The following RASSF1 variants were observed in gnomAD, a reference collection of about 807,000 sequenced individuals.
RASSF1 encodes the protein ras association domain-containing protein 1.
In RASSF1, 33 loss-of-function variants were observed where a neutral mutation model predicts 34.3. The ratio of observed to expected loss-of-function variants is 0.96; its 90% CI spans 0.73 to 1.29. The LOEUF (loss-of-function observed/expected upper bound fraction) is 1.29. RASSF1 is among the 50% of genes most tolerant of loss of function. The probability of loss-of-function intolerance (pLI) is 0.00; values close to 1 mark genes in which losing one functional copy is unlikely to be tolerated. For missense variants in RASSF1, 445 were observed against 471.8 expected (o/e 0.94, Z 0.53); for synonymous variants, 191 against 195.0 (o/e 0.98, Z 0.17).
intron 2 of RASSF1, chr3:50,336,848 G>A: frequency 2.9e-6 from 1 of 344,392 alleles, no homozygotes; most frequent in Non-Finnish European, 5.3e-6. Context: ...CGCGGAAATC[G>A]AGGTGCTAGT....
rs1703227323 is a variant in RASSF1, at chr3:50,338,016, A to G, written c.251-5T>C. The G allele has an allele frequency of 6.3e-7, 1 of 1,578,978 alleles. No individual in the cohort carries two copies. Among genetic ancestry groups the G allele is most frequent in the Non-Finnish European group, 8.6e-7 (1 of 1,162,426 alleles). ...AGTGGCAGGTGAACTTGCAATCTGC[A>G]GAGAGGCCTGGCGGTGAGGCGGAGG... On this transcript the variant is annotated splice_polypyrimidine_tract_variant and splice_region_variant and intron_variant, in intron 1 of 5. Transcript: ENST00000359365.
At position 50,331,698 on chromosome 3, in the gene RASSF1, G is replaced by T. The variant is rs767231138; in HGVS notation, c.621C>A (p.Pro207=). 8.7e-6 allele frequency: 14 copies of T among 1,613,252 alleles called. No individual in the cohort carries two copies. The South Asian group carries it at 1.5e-4, about 18-fold the overall frequency. Residue 207 remains proline, a synonymous_variant, in exon 4 of 6, where the codon CCC becomes CCA. Transcript: ENST00000359365. ...SVRRRTSFYL[P]KDAVKHLHVL... ...CATGCAGGTGCTTGACAGCATCCTT[G>T]GGCAGGTAAAAGGAAGTGCGGCGCC...
intron 2 of RASSF1, chr3:50,337,606 C>A (rs587633583): frequency 3.4e-6 from 4 of 1,189,530 alleles, no homozygotes; most frequent in Middle Eastern, 2.0e-4. Context: ...TGCCAGCGTC[C>A]GGGCAAGCGC....
Position 50,330,743 on chromosome 3 carries a change from G to C in RASSF1, c.877-16C>G. 1.9e-6 allele frequency: 3 copies of C among 1,613,266 alleles called. No homozygotes were observed. The highest frequency in any genetic ancestry group is 3.3e-5 in the Admixed American group (2 of 59,994). Reference sequence around the variant, plus strand: ...AGGCGTCCCACTGCAAGGGGCAAAAGGGGAGTGTACAGGCTGCAGAAGGGA... The same window carrying C: ...AGGCGTCCCACTGCAAGGGGCAAAACGGGAGTGTACAGGCTGCAGAAGGGA... On this transcript the variant is annotated splice_polypyrimidine_tract_variant and intron_variant, in intron 5 of 5. Coordinates refer to ENST00000359365, the MANE Select transcript of RASSF1 (RefSeq NM_007182.5). The surrounding 1 kb of genome is among the most constrained non-coding windows in gnomAD (Gnocchi z 4.5).
chr3:50,337,601 G>C (rs1302707691), intron 2 of RASSF1: 1 of 1,229,678 alleles, frequency 8.1e-7, no homozygotes, highest in African/African-American at 1.5e-5. Context: ...GCGGGTGCCA[G>C]CGTCCGGGCA....
chr3:50,338,725 G>A (rs900463237), intron 1 of RASSF1, among the ~76,000 whole-genome samples: 33 of 151,976 alleles, frequency 2.2e-4, no homozygotes, highest in African/African-American at 8.0e-4. Context: ...CTAATCCTTC[G>A]CCTTCACTCT....
chr3:50,331,701 C>T lies in RASSF1; in HGVS notation c.618G>A (p.Leu206=). 1 of 1,613,340 alleles carries T rather than the reference C, an allele frequency of 6.2e-7. No homozygotes were observed. Among genetic ancestry groups the T allele is most frequent in the Non-Finnish European group, 8.5e-7 (1 of 1,179,512 alleles). The change falls in exon 4 of 6, where the codon CTG becomes CTA. Residue 206 remains leucine (L), a synonymous_variant. Transcript: ENST00000359365. The stretch of plus-strand genomic sequence containing the variant: ...GCAGGTGCTTGACAGCATCCTTGGG[C>T]AGGTAAAAGGAAGTGCGGCGCCTGA... ...TSVRRRTSFY[L]PKDAVKHLHV...
At chr3:50,334,816 T>C (rs2109342103) in intron 2 of RASSF1, among the ~76,000 whole-genome samples, 1 of 152,274 alleles carries the variant, frequency 6.6e-6, no homozygotes, top group South Asian at 2.1e-4. Flanking sequence ...GAGGAAGAGT[T>C]TCTTTTTCTG....
Position 50,329,937 on chromosome 3 carries a change from G to C in RASSF1, c.*644C>G, listed in dbSNP as rs1702875462. ...CACTTCATAAAAAACACCTGAGGGA[G>C]AGACCCTGGCTTTGATTAGCAAATA... On this transcript the variant is annotated 3_prime_UTR_variant, in exon 6 of 6. Coordinates refer to ENST00000359365, the MANE Select transcript of RASSF1 (RefSeq NM_007182.5). 6.6e-6 allele frequency: 1 copy of C among 152,670 alleles called. No individual in the cohort carries two copies. The highest frequency in any genetic ancestry group is 1.5e-5 in the Non-Finnish European group (1 of 68,096). The allele number at this position is 152,670 out of a possible 1,614,324, so 9.5% of individuals were successfully genotyped here. A position where few individuals can be genotyped will look rare whatever the true frequency, so the allele number is the denominator to read the frequency against.
At chr3:50,333,089 G>A (rs1174115480) in intron 2 of RASSF1, among the ~76,000 whole-genome samples, 1 of 151,082 alleles carries the variant, frequency 6.6e-6, no homozygotes, top group African/African-American at 2.4e-5. Context: ...AGCGAAACTC[G>A]GTCTCAAAAA....
intron 1 of RASSF1, chr3:50,338,252 C>A: frequency 7.8e-7 from 1 of 1,284,636 alleles, no homozygotes; most frequent in Non-Finnish European, 9.9e-7. Flanking sequence ...TCGCCTAGCA[C>A]AGAACTTCCC....
At chr3:50,335,923 G>A (rs901351258) in intron 2 of RASSF1, among the ~76,000 whole-genome samples, 7 of 151,506 alleles carry the variant, frequency 4.6e-5, no homozygotes, top group Middle Eastern at 3.2e-3. Context: ...CTATTTTTGA[G>A]ACAGAGTCTC....
chr3:50,336,210 C>T (rs966745524), intron 2 of RASSF1, among the ~76,000 whole-genome samples: 1 of 152,200 alleles, frequency 6.6e-6, no homozygotes, highest in African/African-American at 2.4e-5. Context: ...AAGATTTTGG[C>T]GTGCTGAGCA....
chr3:50,339,515 G>A (rs956077446), intron 1 of RASSF1, among the ~76,000 whole-genome samples: 4 of 151,660 alleles, frequency 2.6e-5, no homozygotes, highest in African/African-American at 7.3e-5. Context: ...ACAGGCACCC[G>A]CCACTACGCC....
In RASSF1 at chr3:50,332,041, T is replaced by A; in HGVS notation, c.462+9A>T. The A allele has an allele frequency of 6.2e-7, 1 of 1,612,826 alleles. No individual in the cohort carries two copies. ...CTCCCCACGCCCCCTTCCTGAGCAG[T>A]CAACTCACCAAGCTCATGAAGAGGT... On this transcript the variant is annotated intron_variant, in intron 3 of 5. Coordinates refer to ENST00000359365, the MANE Select transcript of RASSF1 (RefSeq NM_007182.5).
chr3:50,330,592 G>T lies in RASSF1; in HGVS notation c.1012C>A (p.Pro338Thr). 3.7e-6 allele frequency: 6 copies of T among 1,614,062 alleles called. No individual in the cohort carries two copies. The highest frequency in any genetic ancestry group is 5.1e-6 in the Non-Finnish European group (6 of 1,179,990). ...QKIQEALHAC[P>T]LG ...GGGGGTACAAGAGGTCACCCAAGGG[G>T]GCAGGCGTGCAGGGCCTCTTGGATC... The change falls in exon 6 of 6, where the codon CCC (proline) becomes ACC (threonine). Residue 338 changes from proline (P) to threonine (T), a missense_variant. Pro to Thr is a conservative substitution (Grantham distance 38). Transcript: ENST00000359365. The surrounding 1 kb of genome is among the most constrained non-coding windows in gnomAD (Gnocchi z 4.5).
chr3:50,337,329 C>T (rs774631811), intron 2 of RASSF1: 15 of 1,611,186 alleles, frequency 9.3e-6, no homozygotes, highest in African/African-American at 1.3e-5. Flanking sequence ...TAGCCGTACC[C>T]GCCCGTCCCC....
chr3:50,330,423 C>T lies in RASSF1; in HGVS notation c.*158G>A. The T allele has an allele frequency of 9.6e-7, 1 of 1,040,910 alleles. No individual in the cohort carries two copies. The highest frequency in any genetic ancestry group is 1.4e-6 in the Non-Finnish European group (1 of 725,096). The allele number at this position is 1,040,910 out of a possible 1,614,324, so 64.5% of individuals were successfully genotyped here. On this transcript the variant is annotated 3_prime_UTR_variant, in exon 6 of 6. Transcript: ENST00000359365. This position sits in a 1 kb window ranked among gnomAD's most constrained non-coding sequence, Gnocchi z 4.5. ...ACCTGGCTACACCCACAGGTGGACA[C>T]AGGGAGCAAGCTACTTCGCTGTTCT...
chr3:50,330,625 G>T lies in RASSF1; in HGVS notation c.979C>A (p.Arg327Ser), dbSNP rs587680625. Reference sequence around the variant, plus strand: ...TGCAGGGCCTCTTGGATCTTCTGGCGGCAATAGGAGTACTTCTGCAGGATC... The same window carrying T: ...TGCAGGGCCTCTTGGATCTTCTGGCTGCAATAGGAGTACTTCTGCAGGATC... ...RQILQKYSYC[R>S]QKIQEALHAC... is the part of the protein sequence containing the mutation. Residue 327 changes from arginine to serine, a missense_variant, in exon 6 of 6, where the codon CGC becomes AGC. By Grantham distance (110) the Arg-to-Ser change is moderately radical (BLOSUM62 -1). Coordinates refer to ENST00000359365, the MANE Select transcript of RASSF1 (RefSeq NM_007182.5). This position sits in a 1 kb window ranked among gnomAD's most constrained non-coding sequence, Gnocchi z 4.5. The T allele has an allele frequency of 6.2e-7, 1 of 1,614,136 alleles. No individual in the cohort carries two copies. Among genetic ancestry groups the T allele is most frequent in the African/African-American group, 1.3e-5 (1 of 75,030 alleles).
Sources: allele counts gnomAD v4.1 joint callset (sites outside exome capture counted in the v4.1 genomes callset), GRCh38; gene constraint gnomAD v4.1.1; non-coding constraint Gnocchi (gnomAD v3.1); transcripts MANE v1.5; gene names NCBI Gene and HGNC (gene_info 2026-07-23, HGNC 2026-07-21).